The following ACSL6 variants were observed in gnomAD, a reference collection of about 807,000 sequenced individuals.
The protein encoded by ACSL6 is acyl-CoA synthetase long chain family member 6.
Under a neutral mutation model 98.2 loss-of-function variants are expected in ACSL6, and 47 were observed. That is an observed-to-expected ratio of 0.48 (90% CI 0.38 to 0.61). ACSL6 has a LOEUF of 0.61. Among genes scored for constraint, ACSL6 ranks in the 20% least tolerant of loss-of-function variants. ACSL6 has a pLI of 0.00. For synonymous variants in ACSL6, 362 were observed against 336.9 expected, an observed-to-expected ratio of 1.07 and a Z score of -0.82; for missense variants, 761 against 913.4, an observed-to-expected ratio of 0.83 and a Z score of 2.15.
chr5:131,992,851 TG>T (rs1235148935), intron 2 of ACSL6, among the ~76,000 whole-genome samples: 9 of 152,238 alleles, frequency 5.9e-5, no homozygotes, highest in African/African-American at 2.2e-4. Context: ...CAAAAACAGC[TG>T]TCCTTAGTGA....
intron 1 of ACSL6, among the ~76,000 whole-genome samples, chr5:131,997,303 T>C (rs948106016): frequency 6.6e-6 from 1 of 152,234 alleles, no homozygotes; most frequent in South Asian, 2.1e-4. Context: ...AGAAGCCACC[T>C]TGTTCAGCAA....
In ACSL6 at chr5:131,976,725, T is replaced by C. The variant is rs1341075347; in HGVS notation, c.917-4A>G. 4.3e-6 allele frequency: 7 copies of C among 1,613,800 alleles called. No individual in the cohort carries two copies. The highest frequency in any genetic ancestry group is 4.0e-5 in the African/African-American group (3 of 74,892). On this transcript the variant is annotated splice_region_variant and splice_polypyrimidine_tract_variant and intron_variant, in intron 9 of 20. Transcript: ENST00000651883. ...AGCATCGCACCTTTTGGGTTCCCTA[T>C]AAAAAGAAAGCAAGAAGTCAAATTA...
intron 2 of ACSL6, among the ~76,000 whole-genome samples, chr5:131,992,619 CTG>C (rs1754585914): frequency 6.6e-6 from 1 of 152,216 alleles, no homozygotes; most frequent in Admixed American, 6.5e-5. Flanking sequence ...TCTCACCATT[CTG>C]ACACCATCCA....
At chr5:131,962,819 A>G (rs1039109308) in intron 17 of ACSL6, 141 bp from the exon 18 acceptor site, 16 of 926,658 alleles carry the variant, frequency 1.7e-5, no homozygotes, top group Non-Finnish European at 2.4e-5. Flanking sequence ...GTCTGCTCTT[A>G]GGGAGCTGCA....
At chr5:131,973,589 C>A (rs891830217) in intron 11 of ACSL6, 189 bp from the exon 12 acceptor site, 100 of 497,466 alleles carry the variant, frequency 2.0e-4, no homozygotes, top group Non-Finnish European at 1.8e-5. Flanking sequence ...CCAACCAAGT[C>A]CCACTCAGGC....
chr5:132,007,325 C>T (rs1475959270), intron 1 of ACSL6, among the ~76,000 whole-genome samples: 1 of 152,256 alleles, frequency 6.6e-6, no homozygotes, highest in Non-Finnish European at 1.5e-5. Context: ...GGTCCTTCAA[C>T]TTCATTCAGT....
rs887340106 is a variant in ACSL6, at chr5:131,980,122, A to T, written c.917-3401T>A. 2.0e-5 allele frequency among the ~76,000 whole-genome samples: 3 copies of T among 152,144 alleles called. No individual in the cohort carries two copies. In the East Asian group the frequency reaches 5.8e-4, roughly 29 times the overall value. The stretch of plus-strand genomic sequence containing the variant: ...GTGGGTTTGGGGACAGTTCTGGGCC[A>T]CCCAGCTGGGGGATTCTGGCTGCTT... On this transcript the variant is annotated intron_variant, in intron 9 of 20. Coordinates refer to ENST00000651883, the MANE Select transcript of ACSL6 (RefSeq NM_001009185.3).
upstream of ACSL6, chr5:132,011,757 A>C: frequency 7.6e-7 from 1 of 1,308,718 alleles, no homozygotes; most frequent in Non-Finnish European, 9.8e-7. The surrounding 1 kb of genome is among the most constrained non-coding windows in gnomAD (Gnocchi z 5.4). Context: ...GCGCACTCGC[A>C]ACCGAGCCTT....
intron 3 of ACSL6, 122 bp from the exon 4 acceptor site, chr5:131,990,286 C>T: frequency 1.1e-6 from 1 of 902,988 alleles, no homozygotes. Flanking sequence ...GCCAAGTGAA[C>T]TGCCCTCCTG....
intron 1 of ACSL6, among the ~76,000 whole-genome samples, chr5:132,001,453 G>T (rs898650280): frequency 2.6e-5 from 4 of 152,116 alleles, no homozygotes; most frequent in Non-Finnish European, 4.4e-5. Context: ...TAGATTCACA[G>T]AACCACATAA....
chr5:131,954,028 C>T lies in ACSL6; in HGVS notation c.*206G>A, dbSNP rs752831381. 4.1e-5 allele frequency: 16 copies of T among 386,074 alleles called. No individual in the cohort carries two copies. Among genetic ancestry groups the T allele is most frequent in the Non-Finnish European group, 5.7e-5 (13 of 226,812 alleles). 23.9% of individuals were successfully genotyped at this position (386,074 alleles called of 1,614,324 possible). On this transcript the variant is annotated 3_prime_UTR_variant, in exon 21 of 21. Transcript: ENST00000651883. ...ATTTGTGATATTTTTAGCAGTCCAC[C>T]ACAATATCATTTTTATAATAAAAAT...
intron 13 of ACSL6, 147 bp downstream of exon 13, chr5:131,972,577 A>G (rs182446384): frequency 9.6e-7 from 1 of 1,037,484 alleles, no homozygotes; most frequent in South Asian, 1.8e-5. Context: ...TAAAATTTCA[A>G]TCATAGCTTA....
intron 20 of ACSL6, among the ~76,000 whole-genome samples, chr5:131,958,649 A>G (rs1229761545): frequency 6.6e-6 from 1 of 152,160 alleles, no homozygotes; most frequent in Non-Finnish European, 1.5e-5. Flanking sequence ...AAACTAAAAA[A>G]TAAAAATTTT....
Position 131,974,978 on chromosome 5 carries a change from CGACGGG to C in ACSL6, c.991-14_991-9del, listed in dbSNP as rs778704660. 1 of 1,613,158 alleles carries C rather than the reference CGACGGG, an allele frequency of 6.2e-7. No individual in the cohort carries two copies. Among genetic ancestry groups the C allele is most frequent in the South Asian group, 1.1e-5 (1 of 90,910 alleles). On this transcript the variant is annotated splice_polypyrimidine_tract_variant and intron_variant, in intron 10 of 20. Coordinates refer to ENST00000651883, the MANE Select transcript of ACSL6 (RefSeq NM_001009185.3). ...TCTCGGAAAGATCACTTTCTGCAGG[CGACGGG>C]CATGGGAGACAGAAAGGAAAGAAAC...
Position 131,973,385 on chromosome 5 carries a change from G to A in ACSL6, c.1084C>T (p.His362Tyr). 5 of 1,614,116 alleles carry A rather than the reference G, an allele frequency of 3.1e-6. No homozygotes were observed. Among genetic ancestry groups the A allele is most frequent in the Non-Finnish European group, 4.2e-6 (5 of 1,179,978 alleles). Residue 362 changes from histidine (H) to tyrosine (Y), a missense_variant, in exon 12 of 21, where the codon CAC (histidine) becomes TAC (tyrosine). Transcript: ENST00000651883. ...ERVIQSVVYCHGGRVGFFQGD... is the reference protein window; with the variant it reads ...ERVIQSVVYCYGGRVGFFQGD... ...TGGAAGAAGCCAACACGCCCTCCGTGGCAATAGACGACAGACTAGAAAGAC... is the reference window on the plus strand; with the variant it reads ...TGGAAGAAGCCAACACGCCCTCCGTAGCAATAGACGACAGACTAGAAAGAC...
chr5:131,966,362 A>G, intron 17 of ACSL6, 54 bp downstream of exon 17: 3 of 1,565,726 alleles, frequency 1.9e-6, no homozygotes, highest in Non-Finnish European at 2.6e-6. Context: ...GACCCGGACC[A>G]CACACCCTCC....
rs1165533877 is a variant in ACSL6, at chr5:131,950,796, T to G, written c.*3438A>C. On this transcript the variant is annotated 3_prime_UTR_variant, in exon 21 of 21. Coordinates refer to ENST00000651883, the MANE Select transcript of ACSL6 (RefSeq NM_001009185.3). ...TGATAGGTAATACAATCAAATTAAG[T>G]GCTGATTTCAAGTTGCTAAAACATT... 1 of 192,998 alleles carries G rather than the reference T, an allele frequency of 5.2e-6. No homozygotes were observed. The highest frequency in any genetic ancestry group is 1.1e-5 in the Non-Finnish European group (1 of 92,506). 12.0% of individuals were successfully genotyped at this position (192,998 alleles called of 1,614,324 possible).
At chr5:131,989,583 CTTTTTTTTTTTTTTTTTTTTT>C in intron 4 of ACSL6, 75 bp from the exon 5 acceptor site, 1 of 177,858 alleles carries the variant, frequency 5.6e-6, no homozygotes, top group East Asian at 1.3e-4. Flanking sequence ...AGGAGGAATT[CTTTTTTTTTTTTTTTTTTTTT>C]TTTTTTTTTG....
rs373662683 is a variant in ACSL6, at chr5:131,985,396, C to T, written c.916+11G>A. The T allele has an allele frequency of 5.0e-6, 8 of 1,613,894 alleles. No individual in the cohort carries two copies. In the African/African-American group the frequency reaches 1.1e-4, roughly 22 times the overall value. On this transcript the variant is annotated intron_variant, in intron 9 of 20. Coordinates refer to ENST00000651883, the MANE Select transcript of ACSL6 (RefSeq NM_001009185.3). ...GTAGCCATGGCTGGGGATCTGCGTG[C>T]CTCTGCTTACCTGTCGTGCCGCTTG... is the stretch of plus-strand genomic sequence containing the variant.
Sources: allele counts gnomAD v4.1 joint callset (sites outside exome capture counted in the v4.1 genomes callset), GRCh38; gene constraint gnomAD v4.1.1; non-coding constraint Gnocchi (gnomAD v3.1); transcripts MANE v1.5; gene names NCBI Gene and HGNC (gene_info 2026-07-23, HGNC 2026-07-21).